The following TG variants were observed in gnomAD, a reference collection of about 807,000 sequenced individuals.
The protein encoded by TG is thyroid hormones.
In TG, 270 loss-of-function variants were observed where a neutral mutation model predicts 324.7. The observed-to-expected ratio is 0.83, with a 90% confidence interval of 0.75 to 0.92. TG has a LOEUF of 0.92. Among genes scored for constraint, TG ranks in the 40% least tolerant of loss-of-function variants. The probability of loss-of-function intolerance (pLI) is 0.00; values close to 1 mark genes in which losing one functional copy is unlikely to be tolerated. For missense variants in TG, 3,591 were observed against 3,456.4 expected (o/e 1.04, Z -0.98); for synonymous variants, 1,401 against 1,327.0 (o/e 1.06, Z -1.21).
chr8:132,983,317 A>G (rs1192398501), intron 34 of TG, 33 bp from the exon 35 acceptor site: 3 of 1,611,456 alleles, frequency 1.9e-6, no homozygotes, highest in Non-Finnish European at 2.5e-6. Flanking sequence ...ATGGGGGTAG[A>G]AAAGAACTGA....
At chr8:133,026,666 C>T (rs925641859) in intron 40 of TG, among the ~76,000 whole-genome samples, 1 of 152,180 alleles carries the variant, frequency 6.6e-6, no homozygotes, top group Non-Finnish European at 1.5e-5. Flanking sequence ...GGACACCAGA[C>T]AGAAGGTCCG....
At chr8:132,906,384 G>A (rs1214994063) in intron 16 of TG, among the ~76,000 whole-genome samples, 1 of 152,092 alleles carries the variant, frequency 6.6e-6, no homozygotes, top group East Asian at 1.9e-4. Context: ...AAGAGACCAG[G>A]TGGTAACTAA....
At chr8:133,121,510 C>T (rs897246036) in intron 45 of TG, among the ~76,000 whole-genome samples, 9 of 152,144 alleles carry the variant, frequency 5.9e-5, no homozygotes, top group South Asian at 4.1e-4. Context: ...CGCAGATCCA[C>T]GGAAACATTT....
In TG at chr8:132,897,686, C is replaced by T. The variant is rs185607407; in HGVS notation, c.3039C>T (p.Asp1013=). 74 of 1,614,228 alleles carry T rather than the reference C, an allele frequency of 4.6e-5. No homozygotes were observed. Among genetic ancestry groups the T allele is most frequent in the Middle Eastern group, 3.3e-4 (2 of 6,062 alleles). Residue 1013 remains aspartate, a synonymous_variant, in exon 12 of 48, where the codon GAC becomes GAT. Coordinates refer to ENST00000220616, the MANE Select transcript of TG (RefSeq NM_003235.5). ...SFYQRRRFSP[D]DSAGASALLR... The stretch of plus-strand genomic sequence containing the variant: ...ATCAGAGACGCCGCTTTTCCCCGGA[C>T]GACTCGGCTGGAGCATCCGCCCTTC...
At chr8:133,126,509 A>G (rs1851530184) in intron 45 of TG, among the ~76,000 whole-genome samples, 1 of 146,002 alleles carries the variant, frequency 6.8e-6, no homozygotes, top group Non-Finnish European at 1.5e-5. Flanking sequence ...CTGTGAAACA[A>G]TATATCATAC....
rs116299430 is a variant in TG, at chr8:133,133,589, A to G, written c.8117A>G (p.Asn2706Ser). 1.7e-4 allele frequency: 268 copies of G among 1,614,192 alleles called. No homozygotes were observed. In the Middle Eastern group the frequency reaches 4.1e-3, roughly 25 times the overall value. ...AAGGAGTTCAGTGAGCTGCTCCCCA[A>G]TCGACAGGGCCTGAAGAAAGCCGAC... The part of the protein sequence containing the change: ...NYKEFSELLP[N>S]RQGLKKADCS... Residue 2706 changes from asparagine (N) to serine (S), a missense_variant, in exon 47 of 48, where the codon AAT (asparagine) becomes AGT (serine). Transcript: ENST00000220616.
intron 37 of TG, among the ~76,000 whole-genome samples, chr8:133,015,763 G>A (rs1834969488): frequency 6.6e-6 from 1 of 152,224 alleles, no homozygotes; most frequent in African/African-American, 2.4e-5. Context: ...GTGACAGGAA[G>A]TTTTGCAAGG....
At chr8:133,133,800 T>A in intron 47 of TG, 140 bp downstream of exon 47, 1 of 993,474 alleles carries the variant, frequency 1.0e-6, no homozygotes, top group South Asian at 1.4e-5. Flanking sequence ...TCCTGTGAGT[T>A]GTTCATGGTC....
At chr8:133,097,532 C>G (rs1000263) in intron 43 of TG, among the ~76,000 whole-genome samples, 70,759 of 152,054 alleles carry the variant, frequency 0.47, 16,688 homozygotes, top group Middle Eastern at 0.49. Context: ...AGTGATGCCT[C>G]TGACACATTG....
chr8:132,873,128 A>C lies in TG; in HGVS notation c.545A>C (p.Gln182Pro). 1 of 1,614,206 alleles carries C rather than the reference A, an allele frequency of 6.2e-7. No homozygotes were observed. Among genetic ancestry groups the C allele is most frequent in the South Asian group, 1.1e-5 (1 of 91,084 alleles). ...LHGVGDKSPP[Q>P]CSAEGEFMPV... ...GGGGTGGGAGATAAGTCACCACCCC[A>C]GTGTTCTGCGGAGGGAGAGTTTATG... Residue 182 changes from glutamine (Q) to proline (P), a missense_variant, in exon 5 of 48, where the codon CAG (glutamine) becomes CCG (proline). Coordinates refer to ENST00000220616, the MANE Select transcript of TG (RefSeq NM_003235.5).
intron 24 of TG, among the ~76,000 whole-genome samples, chr8:132,935,302 G>A (rs929974523): frequency 5.3e-5 from 8 of 151,726 alleles, no homozygotes; most frequent in African/African-American, 1.7e-4. Context: ...CACCACACCC[G>A]ATTAATTTTT....
At chr8:132,923,641 A>G in intron 22 of TG, 133 bp downstream of exon 22, 2 of 1,071,974 alleles carry the variant, frequency 1.9e-6, no homozygotes, top group East Asian at 2.6e-5. Context: ...TAATCTGTGT[A>G]GAAGTTGGAA....
intron 34 of TG, among the ~76,000 whole-genome samples, chr8:132,978,804 T>G (rs1830480897): frequency 6.6e-6 from 1 of 152,074 alleles, no homozygotes. Flanking sequence ...CCTGCACACA[T>G]GGACAATTGA....
intron 41 of TG, among the ~76,000 whole-genome samples, chr8:133,068,773 T>A (rs2739147): frequency 1.3e-5 from 2 of 152,242 alleles, no homozygotes; most frequent in African/African-American, 4.8e-5. Flanking sequence ...TGATAGTTCA[T>A]GGAAATAAAA....
intron 41 of TG, chr8:133,063,471 A>G (rs1484460016): frequency 2.0e-5 from 3 of 151,914 alleles, no homozygotes; most frequent in African/African-American, 4.8e-5. Flanking sequence ...AAGCATTTGC[A>G]TGCTATTTTG....
At chr8:132,930,779 T>A (rs1822598202) in intron 23 of TG, among the ~76,000 whole-genome samples, 2 of 151,872 alleles carry the variant, frequency 1.3e-5, no homozygotes, top group Admixed American at 1.3e-4. Flanking sequence ...AACACGTCCA[T>A]CTGTTCATGT....
At chr8:133,074,759 T>G (rs1693133345) in intron 41 of TG, 1 of 734,094 alleles carries the variant, frequency 1.4e-6, no homozygotes. Flanking sequence ...GGGAGCTCCT[T>G]TCTGACTCCA....
At chr8:133,071,390 C>T (rs1387891413) in intron 41 of TG, among the ~76,000 whole-genome samples, 1 of 152,170 alleles carries the variant, frequency 6.6e-6, no homozygotes, top group Non-Finnish European at 1.5e-5. Flanking sequence ...GCTACCGTGT[C>T]CTTAGGCCTG....
At chr8:133,085,662 A>G (rs895457278) in intron 41 of TG, among the ~76,000 whole-genome samples, 2 of 152,266 alleles carry the variant, frequency 1.3e-5, no homozygotes, top group African/African-American at 2.4e-5. Flanking sequence ...ATAATGAGAT[A>G]TTAACTCACA....
Sources: gnomAD v4.1 joint callset for allele counts (sites outside exome capture counted in the v4.1 genomes callset) on GRCh38, gnomAD v4.1.1 for gene constraint, MANE v1.5 for transcripts, NCBI Gene and HGNC (gene_info 2026-07-23, HGNC 2026-07-21) for gene names.